The following ADGRL3 variants were observed in gnomAD, a reference collection of about 807,000 sequenced individuals.
ADGRL3 encodes adhesion G protein-coupled receptor L3, also known as calcium-independent alpha-latrotoxin receptor 3.
A neutral mutation model predicts 153.5 loss-of-function variants in ADGRL3; 62 were observed. The observed-to-expected ratio is 0.40, with a 90% CI of 0.33 to 0.50. ADGRL3 has a LOEUF of 0.50. Ranked by LOEUF, ADGRL3 falls within the 20% of genes least tolerant of loss-of-function variation. The pLI, the probability that ADGRL3 is intolerant of heterozygous loss-of-function variation, is 0.47. For missense variants in ADGRL3, 1,641 were observed against 1,859.4 expected (o/e 0.88, Z 2.16); for synonymous variants, 710 against 672.5 (o/e 1.06, Z -0.86).
chr4:62,003,182 C>T (rs1396405445), intron 21 of ADGRL3, among the ~76,000 whole-genome samples: 7 of 152,082 alleles, frequency 4.6e-5, no homozygotes, highest in Admixed American at 6.6e-5. Context: ...CTGTATCCGT[C>T]CCTTTGCGCC....
intron 13 of ADGRL3, among the ~76,000 whole-genome samples, chr4:61,918,471 T>C (rs908519157): frequency 1.3e-5 from 2 of 152,144 alleles, no homozygotes; most frequent in African/African-American, 4.8e-5. Flanking sequence ...ATCAATGTTC[T>C]AGATGAATTC....
At chr4:61,500,341 T>C (rs2098373522) in intron 3 of ADGRL3, among the ~76,000 whole-genome samples, 1 of 152,182 alleles carries the variant, frequency 6.6e-6, no homozygotes, top group Admixed American at 6.5e-5. Context: ...AGGCTTTTTC[T>C]TTTGCCTTTG....
chr4:61,856,338 C>T (rs540788592), intron 9 of ADGRL3, among the ~76,000 whole-genome samples: 1 of 148,174 alleles, frequency 6.7e-6, no homozygotes, highest in African/African-American at 2.5e-5. Flanking sequence ...TCCCTCTCTC[C>T]CTCCCTCCCT....
chr4:62,027,360 A>G (rs529420248), intron 21 of ADGRL3, among the ~76,000 whole-genome samples: 2 of 152,154 alleles, frequency 1.3e-5, no homozygotes, highest in South Asian at 4.1e-4. Flanking sequence ...ACTTTCTGTG[A>G]TGATGGACAT....
At chr4:61,760,500 A>G (rs147141894) in intron 8 of ADGRL3, among the ~76,000 whole-genome samples, 9,594 of 152,236 alleles carry the variant, frequency 0.063, 980 homozygotes, top group African/African-American at 0.21. Context: ...TGCTAAGACC[A>G]TTGGAAAAGT....
chr4:61,225,544 G>A (rs1407736153), intron 1 of ADGRL3, among the ~76,000 whole-genome samples: 3 of 152,036 alleles, frequency 2.0e-5, no homozygotes, highest in Admixed American at 6.6e-5. Context: ...AATATGATTC[G>A]TTATGTAAGA....
intron 6 of ADGRL3, among the ~76,000 whole-genome samples, chr4:61,707,795 G>A (rs1239514784): frequency 6.6e-6 from 1 of 152,084 alleles, no homozygotes; most frequent in Admixed American, 6.6e-5. Flanking sequence ...CGATATGTAA[G>A]ACCATCTACT....
chr4:61,807,842 A>G (rs935012889), intron 8 of ADGRL3, among the ~76,000 whole-genome samples: 3 of 152,176 alleles, frequency 2.0e-5, no homozygotes, highest in Admixed American at 6.6e-5. Context: ...ATGAAATAAT[A>G]TAGCCCCAAA....
At chr4:61,455,499 C>A (rs2097724207) in intron 2 of ADGRL3, among the ~76,000 whole-genome samples, 1 of 151,958 alleles carries the variant, frequency 6.6e-6, no homozygotes. Context: ...CATCTAGGCC[C>A]TGAGATTGTA....
chr4:61,674,009 A>G (rs1361941144), intron 5 of ADGRL3, among the ~76,000 whole-genome samples: 1 of 151,374 alleles, frequency 6.6e-6, no homozygotes, highest in Non-Finnish European at 1.5e-5. Flanking sequence ...GGTTAATATT[A>G]AATAATCTAT....
chr4:61,965,600 A>C (rs2099003535), intron 17 of ADGRL3, among the ~76,000 whole-genome samples: 1 of 151,950 alleles, frequency 6.6e-6, no homozygotes, highest in Non-Finnish European at 1.5e-5. Flanking sequence ...ATACAAAAAA[A>C]ATTAGCCAGG....
rs151126369 is a variant in ADGRL3 at position 61,387,656 on chromosome 4, A to C, written c.-174+4467A>C. 3.4e-4 allele frequency among the ~76,000 whole-genome samples: 52 copies of C among 152,156 alleles called. No individual in the cohort carries two copies. The East Asian group carries it at 0.01, about 29-fold the overall frequency. ...TTCCGCCTGGCTCACCGGTGGTCAG[A>C]GTTTAAGTTATCTCTCTTATTCCCT... On this transcript the variant is annotated intron_variant, in intron 2 of 26. Transcript: ENST00000683033.
intron 8 of ADGRL3, among the ~76,000 whole-genome samples, chr4:61,809,933 T>C (rs1391277491): frequency 6.6e-6 from 1 of 152,128 alleles, no homozygotes; most frequent in East Asian, 1.9e-4. Flanking sequence ...GTTGTTATAA[T>C]CCTCATTAAA....
chr4:62,002,991 T>C (rs1337570762), intron 21 of ADGRL3, among the ~76,000 whole-genome samples: 2 of 152,166 alleles, frequency 1.3e-5, no homozygotes, highest in Non-Finnish European at 2.9e-5. Flanking sequence ...ATTGATAGTT[T>C]CTCTAATCAC....
At chr4:61,848,010 T>A (rs2098153098) in intron 9 of ADGRL3, among the ~76,000 whole-genome samples, 2 of 6,054 alleles carry the variant, frequency 3.3e-4, no homozygotes, top group South Asian at 0.01. Context: ...TAAAATATAT[T>A]ATATATATAA....
chr4:62,031,743 G>A (rs1722151990), intron 23 of ADGRL3, 133 bp downstream of exon 23: 2 of 614,078 alleles, frequency 3.3e-6, no homozygotes, highest in Non-Finnish European at 5.3e-6. Context: ...ATTTATAACA[G>A]TAAAGCAAAA....
At chr4:61,624,510 A>T (rs1029796182) in intron 5 of ADGRL3, among the ~76,000 whole-genome samples, 1 of 152,136 alleles carries the variant, frequency 6.6e-6, no homozygotes, top group Non-Finnish European at 1.5e-5. Flanking sequence ...GTGCCAACTC[A>T]AGCCCTTCCC....
chr4:61,387,247 G>A (rs2096748397), intron 2 of ADGRL3, among the ~76,000 whole-genome samples: 1 of 152,048 alleles, frequency 6.6e-6, no homozygotes, highest in African/African-American at 2.4e-5. Context: ...ACTTAACAGG[G>A]TAATAGAATA....
At chr4:62,034,112 A>C (rs1723667344) in intron 23 of ADGRL3, among the ~76,000 whole-genome samples, 1 of 151,774 alleles carries the variant, frequency 6.6e-6, no homozygotes, top group Admixed American at 6.6e-5. Context: ...ACATAAGTTA[A>C]ATTTTAAAAT....
Sources: allele counts gnomAD v4.1 joint callset (sites outside exome capture counted in the v4.1 genomes callset), GRCh38; gene constraint gnomAD v4.1.1; transcripts MANE v1.5; gene names NCBI Gene and HGNC (gene_info 2026-07-23, HGNC 2026-07-21).